Variants in TOPORS observed in about 807,000 individuals in gnomAD.
The protein encoded by TOPORS is E3 ubiquitin-protein ligase Topors.
A neutral mutation model predicts 81.4 loss-of-function variants in TOPORS; 25 were observed. The ratio of observed to expected loss-of-function variants is 0.31; its 90% CI spans 0.22 to 0.43. The LOEUF (loss-of-function observed/expected upper bound fraction) is 0.43, where lower values mean the gene tolerates loss of function less well. Ranked by LOEUF, TOPORS falls within the 20% of genes least tolerant of loss-of-function variation. TOPORS has a pLI of 1.00. For synonymous variants in TOPORS, 473 were observed against 456.6 expected, an observed-to-expected ratio of 1.04 and a Z score of -0.46; for missense variants, 1,101 against 1,267.0, an observed-to-expected ratio of 0.87 and a Z score of 1.99.
chr9:32,552,381 C>T (rs1204119730), intron 1 of TOPORS, 53 bp downstream of exon 1: 8 of 1,603,954 alleles, frequency 5.0e-6, no homozygotes, highest in Non-Finnish European at 6.8e-6. Context: ...TGGGAGGTTA[C>T]TGTAAGGCCC....
Position 32,543,381 on chromosome 9 carries a change from C to T in TOPORS, c.1144G>A (p.Glu382Lys), listed in dbSNP as rs1405282340. The T allele has an allele frequency of 5.0e-6, 8 of 1,613,816 alleles. No homozygotes were observed. Among genetic ancestry groups the T allele is most frequent in the Admixed American group, 1.7e-5 (1 of 59,996 alleles). Residue 382 changes from glutamate to lysine, a missense_variant, in exon 3 of 3, where the codon GAA becomes AAA. By Grantham distance (56) the Glu-to-Lys change is moderately conservative. Around this residue, in one of 9 missense-constraint regions of TOPORS, gnomAD observed 103 missense variants for 112.1 expected, o/e 0.92. Transcript: ENST00000360538. The surrounding 1 kb of genome is among the most constrained non-coding windows in gnomAD (Gnocchi z 5.6). ...GAAGAATCAGAATGGCTGCCTTCTT[C>T]GTATGAAGGAGCAGGGCAATCATAA... ...ANYDCPAPSY[E>K]EGSHSDSSVI...
At chr9:32,548,453 G>A (rs1821171389) in intron 2 of TOPORS, among the ~76,000 whole-genome samples, 1 of 151,946 alleles carries the variant, frequency 6.6e-6, no homozygotes, top group Non-Finnish European at 1.5e-5. Flanking sequence ...GAACCCCCGG[G>A]AGGCGGAGGT....
Position 32,552,444 on chromosome 9 carries a change from G to GTAAGTCGTCGCACGC in TOPORS, c.-23_-9dup, listed in dbSNP as rs756506840. The GTAAGTCGTCGCACGC allele has an allele frequency of 6.2e-7, 1 of 1,606,918 alleles. No individual in the cohort carries two copies. Among genetic ancestry groups the GTAAGTCGTCGCACGC allele is most frequent in the African/African-American group, 1.3e-5 (1 of 74,868 alleles). On this transcript the variant is annotated 5_prime_UTR_variant, in exon 1 of 3. Coordinates refer to ENST00000360538, the MANE Select transcript of TOPORS (RefSeq NM_005802.5). ...CTGCCGCCTCCTTACCATGAAGCCAGTAAGTCGTCGCACGCTGGACTGGAT... is the reference window on the plus strand; with the variant it reads ...CTGCCGCCTCCTTACCATGAAGCCAGTAAGTCGTCGCACGCTAAGTCGTCGCACGCTGGACTGGAT...
chr9:32,551,066 C>T, intron 1 of TOPORS, 98 bp from the exon 2 acceptor site: 1 of 1,388,958 alleles, frequency 7.2e-7, no homozygotes. Context: ...CAACACCCGC[C>T]TTCCTCACGC....
rs148785614 is a variant in TOPORS at position 32,550,875 on chromosome 9, G to T, written c.97C>A (p.Arg33=). 6 of 1,612,940 alleles carry T rather than the reference G, an allele frequency of 3.7e-6. No homozygotes were observed. The highest frequency in any genetic ancestry group is 5.1e-6 in the Non-Finnish European group (6 of 1,179,812). ...PASEGRRRSR[R]VRLRGSCRHR... is the part of the protein sequence containing the mutation. ...CGGCAGGATCCGCGAAGGCGTACCC[G>T]GCGACTTCTCCGCCTACCCTCCGAA... is the stretch of plus-strand genomic sequence containing the variant. Residue 33 remains arginine (R), a synonymous_variant, in exon 2 of 3, where the codon CGG becomes AGG. Coordinates refer to ENST00000360538, the MANE Select transcript of TOPORS (RefSeq NM_005802.5).
At position 32,549,448 on chromosome 9, in the gene TOPORS, T is replaced by A. The variant is rs115679062; in HGVS notation, c.198+1326A>T. Among the ~76,000 whole-genome samples, 758 of 152,356 alleles carry A rather than the reference T, an allele frequency of 5.0e-3. 5 individuals are homozygous for A. The highest frequency in any genetic ancestry group is 0.017 in the African/African-American group (720 of 41,568). ...CTGAGAATCGCCACCACTTAGTAGG[T>A]GTGTAACCTGGAGGAAGTTTTTTCT... On this transcript the variant is annotated intron_variant, in intron 2 of 2. Transcript: ENST00000360538.
At chr9:32,551,128 C>T in intron 1 of TOPORS, 160 bp from the exon 2 acceptor site, 1 of 876,308 alleles carries the variant, frequency 1.1e-6, no homozygotes, top group Non-Finnish European at 1.8e-6. Flanking sequence ...CGCACCGGCC[C>T]AAATGCGGCC....
In TOPORS at chr9:32,543,115, GTCA is replaced by G. The variant is rs746241882; in HGVS notation, c.1407_1409del (p.Asp470del). On this transcript the variant is annotated inframe_deletion, in exon 3 of 3. Coordinates refer to ENST00000360538, the MANE Select transcript of TOPORS (RefSeq NM_005802.5). This position sits in a 1 kb window ranked among gnomAD's most constrained non-coding sequence, Gnocchi z 5.6. ...CACAATTATCTGAAGAATCATCACT[GTCA>G]TTATTTAGGTCGTCATTGGTTTGTA... 6.8e-6 allele frequency: 11 copies of G among 1,613,992 alleles called. No individual in the cohort carries two copies. The South Asian group carries it at 1.2e-4, about 18-fold the overall frequency.
Position 32,544,165 on chromosome 9 carries a change from T to C in TOPORS, c.360A>G (p.Leu120=), listed in dbSNP as rs147302494. The part of the protein sequence containing the change: ...FDNVSYLDRC[L]HKFCFRCVQE... ...GTACACAGCGAAAACAGAACTTATGTAAGCAGCGATCTAAGTAAGACACAT... is the reference window on the plus strand; with the variant it reads ...GTACACAGCGAAAACAGAACTTATGCAAGCAGCGATCTAAGTAAGACACAT... The change falls in exon 3 of 3, where the codon TTA becomes TTG. Residue 120 remains leucine (L), a synonymous_variant. Coordinates refer to ENST00000360538, the MANE Select transcript of TOPORS (RefSeq NM_005802.5). 175 of 1,613,862 alleles carry C rather than the reference T, an allele frequency of 1.1e-4. No homozygotes were observed. The highest frequency in any genetic ancestry group is 1.4e-4 in the Non-Finnish European group (164 of 1,180,048).
rs532141361 is a variant in TOPORS, at chr9:32,545,488, G to A, written c.199-1162C>T. On this transcript the variant is annotated intron_variant, in intron 2 of 2. Coordinates refer to ENST00000360538, the MANE Select transcript of TOPORS (RefSeq NM_005802.5). Reference sequence around the variant, plus strand: ...TATATTGACTATTGGGGAGTCAGGCGCGGTGGCTCATGCCTGTAATCCAGC... The same window carrying A: ...TATATTGACTATTGGGGAGTCAGGCACGGTGGCTCATGCCTGTAATCCAGC... Among the ~76,000 whole-genome samples the A allele has an allele frequency of 2.0e-5, 3 of 151,646 alleles. No homozygotes were observed. The East Asian group carries it at 5.8e-4, about 29-fold the overall frequency.
intron 2 of TOPORS, among the ~76,000 whole-genome samples, chr9:32,547,229 C>T (rs928250009): frequency 1.5e-5 from 2 of 135,582 alleles, no homozygotes; most frequent in South Asian, 2.4e-4. Flanking sequence ...AAACATCAAA[C>T]AATTGGAATG....
intron 2 of TOPORS, among the ~76,000 whole-genome samples, chr9:32,545,287 A>T (rs1390639609): frequency 6.6e-6 from 1 of 151,876 alleles, no homozygotes; most frequent in African/African-American, 2.4e-5. Context: ...TCTTGAAATC[A>T]TGTTTTTGGT....
Position 32,544,463 on chromosome 9 carries a change from T to C in TOPORS, c.199-137A>G, listed in dbSNP as rs562899488. The C allele has an allele frequency of 4.7e-6, 4 of 842,362 alleles. No homozygotes were observed. In the East Asian group the frequency reaches 1.1e-4, roughly 22 times the overall value. 52.2% of individuals were successfully genotyped at this position (842,362 alleles called of 1,614,324 possible). ...GTGACCCATTACTTTTGTTTTATTT[T>C]ATAAAGGGGCACTGTAGCATAGTAA... On this transcript the variant is annotated intron_variant, in intron 2 of 2. Coordinates refer to ENST00000360538, the MANE Select transcript of TOPORS (RefSeq NM_005802.5).
In TOPORS at chr9:32,543,359, G is replaced by A; in HGVS notation, c.1166C>T (p.Ser389Phe). 1 of 1,614,128 alleles carries A rather than the reference G, an allele frequency of 6.2e-7. No individual in the cohort carries two copies. Among genetic ancestry groups the A allele is most frequent in the South Asian group, 1.1e-5 (1 of 91,078 alleles). ...ATCTGGAGATATTGTTATGACTGAA[G>A]AATCAGAATGGCTGCCTTCTTCGTA... ...PSYEEGSHSDSSVITISPDEA... is the reference protein window; with the variant it reads ...PSYEEGSHSDFSVITISPDEA... The change falls in exon 3 of 3, where the codon TCT becomes TTT. Residue 389 changes from serine to phenylalanine, a missense_variant. Ser to Phe is a radical substitution (Grantham distance 155). Around this residue, in one of 9 missense-constraint regions of TOPORS, gnomAD observed 103 missense variants for 112.1 expected, o/e 0.92. Coordinates refer to ENST00000360538, the MANE Select transcript of TOPORS (RefSeq NM_005802.5). This position sits in a 1 kb window ranked among gnomAD's most constrained non-coding sequence, Gnocchi z 5.6.
At position 32,542,401 on chromosome 9, in the gene TOPORS, A is replaced by T. The variant is rs1821079575; in HGVS notation, c.2124T>A (p.Ser708Arg). The part of the protein sequence containing the change: ...SRYKWEYTYY[S>R]RNKDRDGYES... ...CGTACCCATCCCTGTCCTTGTTTCT[A>T]CTGTAATAAGTATACTCCCATTTGT... Residue 708 changes from serine to arginine, a missense_variant, in exon 3 of 3, where the codon AGT becomes AGA. Ser to Arg is a moderately radical substitution (Grantham distance 110). Around this residue, in one of 9 missense-constraint regions of TOPORS, gnomAD observed 605 missense variants for 636.1 expected, o/e 0.95. Transcript: ENST00000360538. 6.2e-7 allele frequency: 1 copy of T among 1,613,776 alleles called. No individual in the cohort carries two copies. Among genetic ancestry groups the T allele is most frequent in the African/African-American group, 1.3e-5 (1 of 74,910 alleles).
At chr9:32,547,375 C>G (rs1301112689) in intron 2 of TOPORS, among the ~76,000 whole-genome samples, 1 of 152,076 alleles carries the variant, frequency 6.6e-6, no homozygotes, top group Non-Finnish European at 1.5e-5. Flanking sequence ...GAAACGAAAA[C>G]TTGTCCACAC....
At position 32,550,847 on chromosome 9, in the gene TOPORS, T is replaced by C; in HGVS notation, c.125A>G (p.His42Arg). The C allele has an allele frequency of 3.1e-6, 5 of 1,612,966 alleles. No individual in the cohort carries two copies. The highest frequency in any genetic ancestry group is 1.1e-5 in the South Asian group (1 of 91,078). The change falls in exon 2 of 3, where the codon CAC becomes CGC. Residue 42 changes from histidine to arginine, a missense_variant. His to Arg is a conservative substitution (Grantham distance 29). This residue lies in a region of TOPORS where 131 missense variants were observed against 101.0 expected (regional missense o/e 1.30). Transcript: ENST00000360538. ...RRVRLRGSCR[H>R]RPSFLGCREL... Reference sequence around the variant, plus strand: ...CCGGCAGCCCAGAAAGCTAGGTCGGTGTCGGCAGGATCCGCGAAGGCGTAC... The same window carrying C: ...CCGGCAGCCCAGAAAGCTAGGTCGGCGTCGGCAGGATCCGCGAAGGCGTAC...
chr9:32,547,949 A>G (rs377232903), intron 2 of TOPORS, among the ~76,000 whole-genome samples: 24 of 149,896 alleles, frequency 1.6e-4, no homozygotes, highest in African/African-American at 5.7e-4. Flanking sequence ...CTCCTGCCTC[A>G]GCCTTCCCAG....
intron 2 of TOPORS, among the ~76,000 whole-genome samples, chr9:32,548,250 G>A (rs192703182): frequency 0.01 from 1,526 of 151,682 alleles, 32 homozygotes; most frequent in African/African-American, 0.035. Context: ...CTGGCCGGGC[G>A]CGGTGGCTCA....
Sources: allele counts gnomAD v4.1 joint callset (sites outside exome capture counted in the v4.1 genomes callset), GRCh38; gene constraint gnomAD v4.1.1; regional missense constraint gnomAD v4.1.1; non-coding constraint Gnocchi (gnomAD v3.1); transcripts MANE v1.5; gene names NCBI Gene and HGNC (gene_info 2026-07-23, HGNC 2026-07-21).